TCF12: variants seen among roughly 807,000 people sequenced by gnomAD.
The protein encoded by TCF12 is DNA-binding protein HTF4.
A neutral mutation model predicts 86.0 loss-of-function variants in TCF12; 45 were observed. The ratio of observed to expected loss-of-function variants is 0.52; its 90% CI spans 0.41 to 0.67. TCF12 has a LOEUF of 0.67. TCF12 is among the 30% of genes least tolerant of loss of function. The pLI, the probability that TCF12 is intolerant of heterozygous loss-of-function variation, is 0.00. For synonymous variants in TCF12, 330 were observed against 299.6 expected, an observed-to-expected ratio of 1.10 and a Z score of -1.05; for missense variants, 881 against 859.9, an observed-to-expected ratio of 1.02 and a Z score of -0.31.
chr15:57,176,153 G>A (rs1366693379), intron 6 of TCF12, among the ~76,000 whole-genome samples: 1 of 152,062 alleles, frequency 6.6e-6, no homozygotes, highest in African/African-American at 2.4e-5. Context: ...AGCTATAATC[G>A]CATCATTGCA....
At chr15:57,250,875 G>T (rs1475093723) in intron 13 of TCF12, among the ~76,000 whole-genome samples, 2 of 139,974 alleles carry the variant, frequency 1.4e-5, no homozygotes, top group Non-Finnish European at 3.1e-5. Flanking sequence ...CAGCCTGGGC[G>T]ACAGTGAGAC....
At chr15:57,123,090 T>TA (rs2051354333) in intron 5 of TCF12, among the ~76,000 whole-genome samples, 1 of 152,232 alleles carries the variant, frequency 6.6e-6, no homozygotes, top group African/African-American at 2.4e-5. Context: ...CAATGAATGA[T>TA]ACAATAGTAA....
chr15:57,158,088 G>A (rs2151492861), intron 5 of TCF12, among the ~76,000 whole-genome samples: 1 of 152,184 alleles, frequency 6.6e-6, no homozygotes, highest in African/African-American at 2.4e-5. Flanking sequence ...TGATGTTAAG[G>A]GGAGAGAAGT....
intron 3 of TCF12, among the ~76,000 whole-genome samples, chr15:57,024,094 G>T (rs988114009): frequency 5.9e-5 from 9 of 152,058 alleles, no homozygotes; most frequent in Admixed American, 2.0e-4. Context: ...GTTGCCCAGG[G>T]GTTGTGGACC....
chr15:57,270,895 G>C (rs1367487654), intron 18 of TCF12, among the ~76,000 whole-genome samples: 1 of 152,164 alleles, frequency 6.6e-6, no homozygotes, highest in African/African-American at 2.4e-5. Flanking sequence ...ACCAGCGGAG[G>C]CTGCAGAACA....
At chr15:57,107,318 A>G (rs1214349478) in intron 5 of TCF12, among the ~76,000 whole-genome samples, 2 of 152,220 alleles carry the variant, frequency 1.3e-5, no homozygotes, top group African/African-American at 4.8e-5. Context: ...ACTGTGTGAA[A>G]CAAGCCAATC....
chr15:57,248,695 A>C (rs977965225), intron 13 of TCF12, among the ~76,000 whole-genome samples: 1 of 152,266 alleles, frequency 6.6e-6, no homozygotes, highest in Non-Finnish European at 1.5e-5. Context: ...AAAGTGCGTT[A>C]CACTGGAACG....
chr15:57,242,481 C>G (rs1424281788), intron 12 of TCF12, among the ~76,000 whole-genome samples: 3 of 152,036 alleles, frequency 2.0e-5, no homozygotes, highest in Non-Finnish European at 4.4e-5. Flanking sequence ...CTGAGGTCAA[C>G]CTGACCAACA....
intron 5 of TCF12, among the ~76,000 whole-genome samples, chr15:57,129,422 C>A (rs538861934): frequency 6.6e-6 from 1 of 152,070 alleles, no homozygotes; most frequent in South Asian, 2.1e-4. Flanking sequence ...TTTAGTGGCA[C>A]GCACCTGTAG....
chr15:57,234,371 T>G (rs901797697), intron 12 of TCF12, among the ~76,000 whole-genome samples: 1 of 152,228 alleles, frequency 6.6e-6, no homozygotes, highest in African/African-American at 2.4e-5. Flanking sequence ...TCTAAATACA[T>G]AGTTAGTAAG....
At chr15:57,201,172 A>T (rs950953747) in intron 8 of TCF12, among the ~76,000 whole-genome samples, 39 of 152,284 alleles carry the variant, frequency 2.6e-4, no homozygotes, top group African/African-American at 8.9e-4. Flanking sequence ...TTGTAGCAGC[A>T]ACAGTAGAAT....
At chr15:57,026,524 C>A (rs764319606) in intron 3 of TCF12, among the ~76,000 whole-genome samples, 1 of 152,172 alleles carries the variant, frequency 6.6e-6, no homozygotes, top group East Asian at 1.9e-4. Flanking sequence ...CTGTGCTTCT[C>A]GGATAAAAAT....
chr15:56,969,360 G>A (rs2062170437), intron 3 of TCF12, among the ~76,000 whole-genome samples: 1 of 151,990 alleles, frequency 6.6e-6, no homozygotes, highest in Admixed American at 6.6e-5. Flanking sequence ...ATTAAAATTT[G>A]GATATATATC....
chr15:57,199,884 T>C (rs2057449684), intron 8 of TCF12, among the ~76,000 whole-genome samples: 1 of 152,114 alleles, frequency 6.6e-6, no homozygotes, highest in Admixed American at 6.5e-5. Context: ...TCTTTTTGTT[T>C]TATTTTGGTT....
intron 16 of TCF12, among the ~76,000 whole-genome samples, chr15:57,254,110 G>C (rs746535013): frequency 6.6e-6 from 1 of 152,146 alleles, no homozygotes; most frequent in African/African-American, 2.4e-5. Context: ...TTAAAGAAAT[G>C]AAGTTCTTTT....
At chr15:57,038,937 A>G (rs1380700044) in intron 3 of TCF12, among the ~76,000 whole-genome samples, 1 of 152,188 alleles carries the variant, frequency 6.6e-6, no homozygotes, top group African/African-American at 2.4e-5. Context: ...TAGATAGATG[A>G]CTAGGCCTTT....
At chr15:57,247,857 A>G in intron 13 of TCF12, 1 of 757,476 alleles carries the variant, frequency 1.3e-6, no homozygotes, top group Non-Finnish European at 2.4e-6. Context: ...ATTACCACAC[A>G]ATCTGTGAGT....
intron 5 of TCF12, among the ~76,000 whole-genome samples, chr15:57,106,374 T>A (rs1233230473): frequency 6.6e-6 from 1 of 152,260 alleles, no homozygotes; most frequent in Non-Finnish European, 1.5e-5. Flanking sequence ...TTTTCTGTAC[T>A]AACTGACGCT....
At chr15:57,175,158 A>G (rs137987517) in intron 6 of TCF12, among the ~76,000 whole-genome samples, 12 of 152,276 alleles carry the variant, frequency 7.9e-5, no homozygotes, top group African/African-American at 2.6e-4. Flanking sequence ...TGCCTGGGCA[A>G]CTTAGCAAGA....
Sources: allele counts gnomAD v4.1 joint callset (sites outside exome capture counted in the v4.1 genomes callset), GRCh38; gene constraint gnomAD v4.1.1; transcripts MANE v1.5; gene names NCBI Gene and HGNC (gene_info 2026-07-23, HGNC 2026-07-21).